Variants in PDGFC observed in about 807,000 individuals in gnomAD.
The protein encoded by PDGFC is platelet-derived growth factor C.
In PDGFC, 12 loss-of-function variants were observed where a neutral mutation model predicts 35.5. The ratio of observed to expected loss-of-function variants is 0.34; its 90% CI spans 0.22 to 0.55. The LOEUF is 0.55. Among genes scored for constraint, PDGFC ranks in the 20% least tolerant of loss-of-function variants. The pLI is 0.91. For missense variants in PDGFC, 322 were observed against 412.4 expected, an observed-to-expected ratio of 0.78 and a Z score of 1.90; for synonymous variants, 159 against 148.8, an observed-to-expected ratio of 1.07 and a Z score of -0.50.
chr4:156,792,572 C>A (rs1731325791), intron 3 of PDGFC, among the ~76,000 whole-genome samples: 1 of 152,142 alleles, frequency 6.6e-6, no homozygotes, highest in Non-Finnish European at 1.5e-5. Flanking sequence ...GTTATTTCTA[C>A]CAAAAATACA....
chr4:156,961,328 G>A (rs891778697), intron 1 of PDGFC, among the ~76,000 whole-genome samples: 142 of 152,186 alleles, frequency 9.3e-4, no homozygotes, highest in African/African-American at 3.1e-3. Context: ...TAAGTACCAC[G>A]TAAATTCAAC....
chr4:156,866,750 T>C (rs1729852740), intron 1 of PDGFC, among the ~76,000 whole-genome samples: 1 of 152,016 alleles, frequency 6.6e-6, no homozygotes, highest in African/African-American at 2.4e-5. Flanking sequence ...TATATTTAAG[T>C]ATTATATACA....
In PDGFC at chr4:156,802,555, TACAC is replaced by T. The variant is rs3042776; in HGVS notation, c.495+8278_495+8281del. Among the ~76,000 whole-genome samples, 409 of 145,574 alleles carry T rather than the reference TACAC, an allele frequency of 2.8e-3. 1 individual carries two copies. The highest frequency in any genetic ancestry group is 5.2e-3 in the South Asian group (24 of 4,612). On this transcript the variant is annotated intron_variant, in intron 3 of 5. Transcript: ENST00000502773. ...GGTAGAGTAGAAACATACACACACA[TACAC>T]ACACACACACACACACACACACACA...
chr4:156,906,662 T>C (rs1730922559), intron 1 of PDGFC, among the ~76,000 whole-genome samples: 1 of 152,156 alleles, frequency 6.6e-6, no homozygotes, highest in South Asian at 2.1e-4. Context: ...TTTGAAGTTT[T>C]GGGATATAAT....
At chr4:156,903,065 C>A (rs1386387985) in intron 1 of PDGFC, among the ~76,000 whole-genome samples, 1 of 146,432 alleles carries the variant, frequency 6.8e-6, no homozygotes, top group African/African-American at 2.5e-5. Flanking sequence ...AGAAAAAGAA[C>A]ATCAAAACCA....
intron 1 of PDGFC, among the ~76,000 whole-genome samples, chr4:156,885,073 T>A (rs956210190): frequency 6.6e-6 from 1 of 152,134 alleles, no homozygotes; most frequent in Non-Finnish European, 1.5e-5. Context: ...TTTCTGGTGT[T>A]AGACATTTCA....
intron 1 of PDGFC, among the ~76,000 whole-genome samples, chr4:156,896,023 C>A (rs2110741120): frequency 6.6e-6 from 1 of 152,142 alleles, no homozygotes; most frequent in African/African-American, 2.4e-5. Flanking sequence ...ATGATTATAT[C>A]ATTTTAATTA....
intron 1 of PDGFC, among the ~76,000 whole-genome samples, chr4:156,867,486 T>C (rs947762710): frequency 1.3e-5 from 2 of 152,204 alleles, no homozygotes; most frequent in African/African-American, 2.4e-5. Context: ...TAATGGGTGA[T>C]GGTCATGGTA....
intron 1 of PDGFC, among the ~76,000 whole-genome samples, chr4:156,917,103 C>A (rs2110826791): frequency 6.6e-6 from 1 of 152,258 alleles, no homozygotes; most frequent in African/African-American, 2.4e-5. Flanking sequence ...AGGAAAACTC[C>A]AGGAAGTTTT....
rs536997653 is a variant in PDGFC, at chr4:156,781,050, G to A, written c.496-8157C>T. Among the ~76,000 whole-genome samples, 26 of 152,200 alleles carry A rather than the reference G, an allele frequency of 1.7e-4. No homozygotes were observed. In the South Asian group the frequency reaches 5.0e-3, roughly 29 times the overall value. ...TTCTGTCTACATGCTTCCCCTTGGT[G>A]ATCTTCTATAGTTTCAAAGCATTGC... On this transcript the variant is annotated intron_variant, in intron 3 of 5. Transcript: ENST00000502773.
chr4:156,796,334 G>T (rs1423587573), intron 3 of PDGFC, among the ~76,000 whole-genome samples: 1 of 151,710 alleles, frequency 6.6e-6, no homozygotes, highest in African/African-American at 2.4e-5. Flanking sequence ...TACCCCCATA[G>T]TGTTTTATAT....
chr4:156,921,725 G>A (rs1731286496), intron 1 of PDGFC, among the ~76,000 whole-genome samples: 1 of 152,016 alleles, frequency 6.6e-6, no homozygotes, highest in South Asian at 2.1e-4. Flanking sequence ...GTTCATCTAG[G>A]TAAATCCCCT....
chr4:156,951,149 G>C (rs1019895854), intron 1 of PDGFC, among the ~76,000 whole-genome samples: 1 of 151,872 alleles, frequency 6.6e-6, no homozygotes, highest in Non-Finnish European at 1.5e-5. Context: ...TGAAGATAAA[G>C]CAGTAGGAGA....
At chr4:156,947,888 T>C (rs147482203) in intron 1 of PDGFC, among the ~76,000 whole-genome samples, 1 of 152,094 alleles carries the variant, frequency 6.6e-6, no homozygotes, top group African/African-American at 2.4e-5. Context: ...CTGACTTCAA[T>C]AAGAGACAGG....
At chr4:156,831,327 G>A (rs1435471580) in intron 2 of PDGFC, among the ~76,000 whole-genome samples, 1 of 151,828 alleles carries the variant, frequency 6.6e-6, no homozygotes, top group Admixed American at 6.6e-5. Context: ...TAAAAATTTA[G>A]CTGGGTGCAG....
At chr4:156,803,394 T>C (rs887941067) in intron 3 of PDGFC, among the ~76,000 whole-genome samples, 2 of 152,056 alleles carry the variant, frequency 1.3e-5, no homozygotes, top group Admixed American at 1.3e-4. Flanking sequence ...CACAATGAAT[T>C]TGGATTTGAT....
At chr4:156,884,902 A>T (rs909900231) in intron 1 of PDGFC, among the ~76,000 whole-genome samples, 1 of 152,192 alleles carries the variant, frequency 6.6e-6, no homozygotes, top group Non-Finnish European at 1.5e-5. Flanking sequence ...TTTTAACAAG[A>T]TACATATACA....
At chr4:156,869,811 G>C (rs1383010375) in intron 1 of PDGFC, among the ~76,000 whole-genome samples, 1 of 151,936 alleles carries the variant, frequency 6.6e-6, no homozygotes, top group African/African-American at 2.4e-5. Flanking sequence ...AATAATACTG[G>C]TTCTGATTTG....
chr4:156,838,248 G>T (rs1221258668), intron 2 of PDGFC, among the ~76,000 whole-genome samples: 1 of 152,146 alleles, frequency 6.6e-6, no homozygotes, highest in Non-Finnish European at 1.5e-5. Flanking sequence ...TCCTCCTAAA[G>T]AAAAAGGAAT....
Sources: allele counts gnomAD v4.1 joint callset (sites outside exome capture counted in the v4.1 genomes callset), GRCh38; gene constraint gnomAD v4.1.1; transcripts MANE v1.5; gene names NCBI Gene and HGNC (gene_info 2026-07-23, HGNC 2026-07-21).